Variants in CRB1 observed in about 807,000 individuals in gnomAD.
CRB1 encodes crumbs cell polarity complex component 1.
CRB1 carries 83 observed loss-of-function variants against 120.0 expected under a neutral mutation model. The ratio of observed to expected loss-of-function variants is 0.69; its 90% CI spans 0.58 to 0.83. The LOEUF is 0.83. CRB1 is among the 40% of genes least tolerant of loss of function. The pLI is 0.00. For synonymous variants in CRB1, 625 were observed against 612.5 expected (o/e 1.02, Z -0.30); for missense variants, 1,699 against 1,687.6 (o/e 1.01, Z -0.12).
intron 11 of CRB1, among the ~76,000 whole-genome samples, chr1:197,477,243 A>G (rs927437990): frequency 6.6e-5 from 10 of 152,192 alleles, no homozygotes; most frequent in Non-Finnish European, 1.3e-4. Context: ...CAACAAAACA[A>G]AACTGTAAAA....
intron 11 of CRB1, among the ~76,000 whole-genome samples, chr1:197,459,811 T>C (rs562086793): frequency 1.7e-4 from 26 of 152,238 alleles, no homozygotes; most frequent in Admixed American, 1.6e-3. Flanking sequence ...CTGTTTATTC[T>C]TCCAGAATTT....
chr1:197,285,435 T>TA (rs1202304597), intron 1 of CRB1, among the ~76,000 whole-genome samples: 1 of 151,814 alleles, frequency 6.6e-6, no homozygotes, highest in Non-Finnish European at 1.5e-5. Flanking sequence ...ACAGACTAGT[T>TA]AGAAGAATGT....
chr1:197,221,802 G>C, the CRB1 span, among the ~76,000 whole-genome samples: 13 of 152,264 alleles, frequency 8.5e-5, no homozygotes, highest in African/African-American at 2.9e-4. Context: ...ACCTAGCCCT[G>C]ATCCTGACAT....
At chr1:197,408,171 G>T (rs1004449287) in intron 5 of CRB1, among the ~76,000 whole-genome samples, 1 of 152,122 alleles carries the variant, frequency 6.6e-6, no homozygotes, top group African/African-American at 2.4e-5. Context: ...ATATGGATAA[G>T]CTCAGATGTT....
At chr1:197,279,835 C>A (rs1655421839) in intron 1 of CRB1, among the ~76,000 whole-genome samples, 1 of 142,590 alleles carries the variant, frequency 7.0e-6, no homozygotes, top group Non-Finnish European at 1.5e-5. Flanking sequence ...TCTCTAAAGC[C>A]TTTTTTTTTT....
chr1:197,210,959 A>G, the CRB1 span, among the ~76,000 whole-genome samples: 1 of 152,190 alleles, frequency 6.6e-6, no homozygotes, highest in African/African-American at 2.4e-5. Context: ...CATTTATTCA[A>G]TAGAATATAT....
intron 5 of CRB1, among the ~76,000 whole-genome samples, chr1:197,418,434 T>C (rs945287640): frequency 2.6e-5 from 4 of 152,210 alleles, no homozygotes; most frequent in African/African-American, 9.6e-5. Flanking sequence ...CCCTTAGCAC[T>C]GTACAGGTGC....
intron 1 of CRB1, among the ~76,000 whole-genome samples, chr1:197,328,084 TAA>T (rs1658622379): frequency 6.6e-6 from 1 of 152,332 alleles, no homozygotes; most frequent in Admixed American, 6.5e-5. Flanking sequence ...ATCCTGTATA[TAA>T]GTCTTCTGTT....
chr1:197,268,328 T>A lies in CRB1; in HGVS notation c.-85T>A. The A allele has an allele frequency of 1.0e-6, 1 of 977,610 alleles. No homozygotes were observed. Among genetic ancestry groups the A allele is most frequent in the Admixed American group, 1.7e-5 (1 of 59,066 alleles). The allele number at this position is 977,610 out of a possible 1,614,324, so 60.6% of individuals were successfully genotyped here. A position where few individuals can be genotyped will look rare whatever the true frequency, so the allele number is the denominator to read the frequency against. ...CACCTGGGGGTTCTGAGGCACCCGC[T>A]CCTCTCTGAGACAGACAGGGATCAG... On this transcript the variant is annotated 5_prime_UTR_variant, in exon 1 of 12. Coordinates refer to ENST00000367400, the MANE Select transcript of CRB1 (RefSeq NM_201253.3).
chr1:197,362,033 A>G (rs903744022), intron 5 of CRB1, among the ~76,000 whole-genome samples: 1 of 151,956 alleles, frequency 6.6e-6, no homozygotes, highest in Non-Finnish European at 1.5e-5. Context: ...GATATGCCAT[A>G]CTTCCATCTT....
At chr1:197,381,890 AT>A (rs1661975421) in intron 5 of CRB1, among the ~76,000 whole-genome samples, 2 of 152,314 alleles carry the variant, frequency 1.3e-5, no homozygotes, top group Admixed American at 1.3e-4. Flanking sequence ...AGGAAGCCAA[AT>A]AATTTATGGG....
At chr1:197,417,479 A>C (rs1185556596) in intron 5 of CRB1, among the ~76,000 whole-genome samples, 1 of 152,222 alleles carries the variant, frequency 6.6e-6, no homozygotes, top group African/African-American at 2.4e-5. Flanking sequence ...TTGGAAGGTC[A>C]AAGAATCCCA....
chr1:197,452,598 C>A (rs544788385), intron 11 of CRB1, among the ~76,000 whole-genome samples: 1 of 152,090 alleles, frequency 6.6e-6, no homozygotes, highest in South Asian at 2.1e-4. Flanking sequence ...ATCTTATAGA[C>A]GGGGGAAATA....
intron 5 of CRB1, among the ~76,000 whole-genome samples, chr1:197,378,330 T>C (rs1407027878): frequency 2.0e-5 from 3 of 152,222 alleles, no homozygotes; most frequent in African/African-American, 4.8e-5. Context: ...AATTTAGAGT[T>C]TAGATCAAGA....
In CRB1 at chr1:197,435,141, T is replaced by C; in HGVS notation, c.3278T>C (p.Leu1093Pro). Reference sequence around the variant, plus strand: ...AGAGCTATTGACAATATAAAGGGCCTGCAAGGGTGTCTAAGTACAATAGAA... The same window carrying C: ...AGAGCTATTGACAATATAAAGGGCCCGCAAGGGTGTCTAAGTACAATAGAA... ...GDRAIDNIKG[L>P]QGCLSTIEIG... Residue 1093 changes from leucine (L) to proline (P), a missense_variant, in exon 9 of 12, where the codon CTG becomes CCG. Leu to Pro is a moderately conservative substitution (Grantham distance 98, BLOSUM62 -3). Transcript: ENST00000367400. 1 of 1,613,928 alleles carries C rather than the reference T, an allele frequency of 6.2e-7. No individual in the cohort carries two copies. The highest frequency in any genetic ancestry group is 8.5e-7 in the Non-Finnish European group (1 of 1,179,852).
intron 5 of CRB1, among the ~76,000 whole-genome samples, chr1:197,419,695 C>A (rs1318189203): frequency 2.6e-5 from 4 of 151,590 alleles, no homozygotes; most frequent in African/African-American, 9.7e-5. Flanking sequence ...TTAATTTAGG[C>A]CAGGTGTGGT....
rs76828288 is a variant in CRB1, at chr1:197,342,384, C to T, written c.653-1897C>T. On this transcript the variant is annotated intron_variant, in intron 2 of 11. Transcript: ENST00000367400. ...AATGAGAAGCATCTCAAGAATGTGTCTGTCATTGCTCTCTAAACATTCTTG... is the reference window on the plus strand; with the variant it reads ...AATGAGAAGCATCTCAAGAATGTGTTTGTCATTGCTCTCTAAACATTCTTG... Among the ~76,000 whole-genome samples, 989 of 152,308 alleles carry T rather than the reference C, an allele frequency of 6.5e-3. 7 individuals carry two copies. Among genetic ancestry groups the T allele is most frequent in the Non-Finnish European group, 0.011 (781 of 68,020 alleles).
intron 9 of CRB1, among the ~76,000 whole-genome samples, chr1:197,436,757 G>T (rs190727703): frequency 2.4e-4 from 37 of 151,996 alleles, no homozygotes; most frequent in Non-Finnish European, 5.0e-4. Flanking sequence ...GCATTTTGAC[G>T]AACAAGATTT....
chr1:197,221,395 C>T, the CRB1 span, among the ~76,000 whole-genome samples: 1 of 152,154 alleles, frequency 6.6e-6, no homozygotes, highest in African/African-American at 2.4e-5. Flanking sequence ...AGTCAAGACC[C>T]TCTGTGTTCA....
Sources: allele counts gnomAD v4.1 joint callset (sites outside exome capture counted in the v4.1 genomes callset), GRCh38; gene constraint gnomAD v4.1.1; transcripts MANE v1.5; gene names NCBI Gene and HGNC (gene_info 2026-07-23, HGNC 2026-07-21).